Variants in SLITRK2 observed in about 807,000 individuals in gnomAD.
The protein encoded by SLITRK2 is SLIT and NTRK like family member 2.
A neutral mutation model predicts 35.4 loss-of-function variants in SLITRK2; 13 were observed. The ratio of observed to expected loss-of-function variants is 0.37; its 90% CI spans 0.24 to 0.58. SLITRK2 has a LOEUF of 0.58. SLITRK2 is among the 20% of genes least tolerant of loss of function. The pLI, the probability that SLITRK2 is intolerant of heterozygous loss-of-function variation, is 0.75. For missense variants in SLITRK2, 471 were observed against 634.3 expected (o/e 0.74, Z 2.76); for synonymous variants, 294 against 264.7 (o/e 1.11, Z -1.07).
intron 1 of SLITRK2, chrX:145,819,657 A>G (rs2072959561): frequency 8.9e-6 from 1 of 112,202 alleles, no homozygotes; most frequent in Non-Finnish European, 1.9e-5. Flanking sequence ...AGGGAGCTTA[A>G]TTGTGCTCCC....
Position 145,824,315 on chromosome X carries a change from C to A in SLITRK2, c.1890C>A (p.Ile630=), listed in dbSNP as rs2124198369. 8.3e-7 allele frequency: 1 copy of A among 1,211,172 alleles called. No individual in the cohort carries two copies. The highest frequency in any genetic ancestry group is 1.1e-6 in the Non-Finnish European group (1 of 895,294). The change falls in exon 5 of 5, where the codon ATC becomes ATA. Residue 630 remains isoleucine (I), a synonymous_variant. Coordinates refer to ENST00000335565, the MANE Select transcript of SLITRK2 (RefSeq NM_032539.5). ...VLILGLLVVF[I]LSVCFGAGLF... is the part of the protein sequence containing the mutation. Reference sequence around the variant, plus strand: ...TTCTGGGATTGCTTGTTGTTTTCATCTTATCTGTCTGTTTTGGGGCTGGTT... The same window carrying A: ...TTCTGGGATTGCTTGTTGTTTTCATATTATCTGTCTGTTTTGGGGCTGGTT...
chrX:145,825,034 T>C lies in SLITRK2; in HGVS notation c.*71T>C. On this transcript the variant is annotated 3_prime_UTR_variant, in exon 5 of 5. Coordinates refer to ENST00000335565, the MANE Select transcript of SLITRK2 (RefSeq NM_032539.5). ...AACTGTTGGAAACAAGGACATTAGCTTTTGTGTTTGTTTTTGTTCTCCCTT... is the reference window on the plus strand; with the variant it reads ...AACTGTTGGAAACAAGGACATTAGCCTTTGTGTTTGTTTTTGTTCTCCCTT... 4 of 1,094,069 alleles carry C rather than the reference T, an allele frequency of 3.7e-6. No individual in the cohort carries two copies. Among genetic ancestry groups the C allele is most frequent in the Non-Finnish European group, 4.9e-6 (4 of 822,933 alleles). The allele number at this position is 1,094,069 out of a possible 1,213,427, so 90.2% of individuals were successfully genotyped here.
Position 145,823,345 on chromosome X carries a change from T to A in SLITRK2, c.920T>A (p.Met307Lys), listed in dbSNP as rs2124172024. Residue 307 changes from methionine (M) to lysine (K), a missense_variant, in exon 5 of 5, where the codon ATG becomes AAG. By Grantham distance (95) the Met-to-Lys change is moderately conservative. Transcript: ENST00000335565. ...CCGAAAGCCAGCCGGCCGCCCAAAA[T>A]GAGAAATCGTCCAACTCCTCGAGTG... ...RAPKASRPPK[M>K]RNRPTPRVTV... 8.3e-7 allele frequency: 1 copy of A among 1,210,690 alleles called. No individual in the cohort carries two copies. The highest frequency in any genetic ancestry group is 1.7e-5 in the African/African-American group (1 of 57,582).
Position 145,821,749 on chromosome X carries a change from C to G in SLITRK2, c.-328C>G, listed in dbSNP as rs782265525. The G allele has an allele frequency of 3.6e-5, 4 of 111,124 alleles. No individual in the cohort carries two copies. Among genetic ancestry groups the G allele is most frequent in the African/African-American group, 1.3e-4 (4 of 30,565 alleles). 9.2% of individuals were successfully genotyped at this position (111,124 alleles called of 1,213,427 possible). On this transcript the variant is annotated 5_prime_UTR_variant, in exon 3 of 5. Coordinates refer to ENST00000335565, the MANE Select transcript of SLITRK2 (RefSeq NM_032539.5). ...TTTTTAATTTCTGCGCACCCCCAGT[C>G]AAATTAAATCAACCAACAAAAAGCA...
chrX:145,824,473 A>T lies in SLITRK2; in HGVS notation c.2048A>T (p.His683Leu), dbSNP rs2124202978. ...GAGACTCACGATAAAACAGACGGCC[A>T]TGTCTACAACTATATCCCCCCACCT... ...NTETHDKTDGHVYNYIPPPVG... is the reference protein window; with the variant it reads ...NTETHDKTDGLVYNYIPPPVG... The change falls in exon 5 of 5, where the codon CAT becomes CTT. Residue 683 changes from histidine (H) to leucine (L), a missense_variant. Coordinates refer to ENST00000335565, the MANE Select transcript of SLITRK2 (RefSeq NM_032539.5). 1 of 1,211,593 alleles carries T rather than the reference A, an allele frequency of 8.3e-7. No individual in the cohort carries two copies. The highest frequency in any genetic ancestry group is 2.3e-4 in the Middle Eastern group (1 of 4,351).
At chrX:145,818,156 G>A (rs2072918749) in intron 1 of SLITRK2, 130 bp downstream of exon 1, 1 of 112,868 alleles carries the variant, frequency 8.9e-6, no homozygotes, top group African/African-American at 3.2e-5. Flanking sequence ...GCCATCCGCG[G>A]AGGGCAGCTC....
In SLITRK2 at chrX:145,829,188, T is replaced by C. The variant is rs2073151923; in HGVS notation, c.*4225T>C. 2 of 123,992 alleles carry C rather than the reference T, an allele frequency of 1.6e-5. No homozygotes were observed. Among genetic ancestry groups the C allele is most frequent in the Non-Finnish European group, 1.9e-5 (1 of 53,440 alleles). 10.2% of individuals were successfully genotyped at this position (123,992 alleles called of 1,213,427 possible). A position where few individuals can be genotyped will look rare whatever the true frequency, so the allele number is the denominator to read the frequency against. On this transcript the variant is annotated 3_prime_UTR_variant, in exon 5 of 5. Coordinates refer to ENST00000335565, the MANE Select transcript of SLITRK2 (RefSeq NM_032539.5). ...CAATGATTGTGCAAAAAGTCACGTG[T>C]AAATTGAACTTTTGTAAATCAAATT...
rs368680618 is a variant in SLITRK2, at chrX:145,827,988, A to G, written c.*3025A>G. On this transcript the variant is annotated 3_prime_UTR_variant, in exon 5 of 5. Transcript: ENST00000335565. ...TCTCCCAGGGCCCTGCCAAGAACAT[A>G]TCTGTATGTCTGGCCCTACAAATGA... The G allele has an allele frequency of 2.0e-5, 24 of 1,185,292 alleles. No individual in the cohort carries two copies. Among genetic ancestry groups the G allele is most frequent in the Non-Finnish European group, 2.5e-5 (22 of 884,445 alleles).
At position 145,828,536 on chromosome X, in the gene SLITRK2, A is replaced by G. The variant is rs1556946272; in HGVS notation, c.*3573A>G. The stretch of plus-strand genomic sequence containing the variant: ...CTGGCTCTAGGCTATGTCCTGAGAC[A>G]TACAGTGGACAGGGTCTCTACCCTC... On this transcript the variant is annotated 3_prime_UTR_variant, in exon 5 of 5. Transcript: ENST00000335565. The G allele has an allele frequency of 8.1e-6, 1 of 123,175 alleles. No homozygotes were observed. The highest frequency in any genetic ancestry group is 3.3e-5 in the African/African-American group (1 of 30,573). The allele number at this position is 123,175 out of a possible 1,213,427, so 10.2% of individuals were successfully genotyped here.
chrX:145,821,874 TCTC>T lies in SLITRK2; in HGVS notation c.-200_-198del, dbSNP rs2073025529. 9.0e-6 allele frequency: 1 copy of T among 111,306 alleles called. No homozygotes were observed. The highest frequency in any genetic ancestry group is 3.9e-4 in the South Asian group (1 of 2,582). 9.2% of individuals were successfully genotyped at this position (111,306 alleles called of 1,213,427 possible). ...ACTGCAGAGGAGAGGGATTCAGTCT[TCTC>T]CTGATGTGTGAGTAACCCCCACCTC... is the stretch of plus-strand genomic sequence containing the variant. On this transcript the variant is annotated 5_prime_UTR_variant, in exon 3 of 5. The change creates a premature stop within an existing upstream ORF in the 5' untranslated region. Transcript: ENST00000335565.
intron 1 of SLITRK2, chrX:145,819,843 G>GT (rs1164973019): frequency 8.9e-6 from 1 of 111,808 alleles, no homozygotes; most frequent in Non-Finnish European, 1.9e-5. Context: ...GAATTAGAGG[G>GT]TAAGGGGGCT....
rs2073139830 is a variant in SLITRK2, at chrX:145,827,787, C to A, written c.*2824C>A. ...AGTTTTATTAACTCACTAGCATCCC[C>A]ACTGACTATATTCTGTTTTGCTTTA... On this transcript the variant is annotated 3_prime_UTR_variant, in exon 5 of 5. Coordinates refer to ENST00000335565, the MANE Select transcript of SLITRK2 (RefSeq NM_032539.5). 1 of 1,210,111 alleles carries A rather than the reference C, an allele frequency of 8.3e-7. No homozygotes were observed. The highest frequency in any genetic ancestry group is 2.2e-5 in the Admixed American group (1 of 45,758).
Position 145,827,437 on chromosome X carries a change from T to C in SLITRK2, c.*2474T>C. The C allele has an allele frequency of 4.1e-6, 1 of 244,329 alleles. No homozygotes were observed. Among genetic ancestry groups the C allele is most frequent in the Non-Finnish European group, 7.1e-6 (1 of 140,360 alleles). 20.1% of individuals were successfully genotyped at this position (244,329 alleles called of 1,213,427 possible). A position where few individuals can be genotyped will look rare whatever the true frequency, so the allele number is the denominator to read the frequency against. On this transcript the variant is annotated 3_prime_UTR_variant, in exon 5 of 5. Coordinates refer to ENST00000335565, the MANE Select transcript of SLITRK2 (RefSeq NM_032539.5). ...GATTCCACTTCAGTGTTCATTTTTA[T>C]TTTTCTGAAAGTAAAGATACTCCTG... is the stretch of plus-strand genomic sequence containing the variant.
chrX:145,824,478 T>C lies in SLITRK2; in HGVS notation c.2053T>C (p.Tyr685His). The change falls in exon 5 of 5, where the codon TAC becomes CAC. Residue 685 changes from tyrosine (Y) to histidine (H), a missense_variant. Transcript: ENST00000335565. ...ETHDKTDGHVYNYIPPPVGQM... is the reference protein window; with the variant it reads ...ETHDKTDGHVHNYIPPPVGQM... ...TCACGATAAAACAGACGGCCATGTC[T>C]ACAACTATATCCCCCCACCTGTGGG... The C allele has an allele frequency of 8.3e-7, 1 of 1,211,393 alleles. No individual in the cohort carries two copies. Among genetic ancestry groups the C allele is most frequent in the Non-Finnish European group, 1.1e-6 (1 of 895,440 alleles).
At chrX:145,821,121 T>TCACACACACACACACACA (rs781940605) in intron 2 of SLITRK2, 3 of 43,839 alleles carry the variant, frequency 6.8e-5, no homozygotes, top group African/African-American at 2.2e-4. Flanking sequence ...TCTCTCTCTC[T>TCACACACACACACACACA]CACTCACACA....
At chrX:145,819,290 A>C (rs2072950931) in intron 1 of SLITRK2, 1 of 112,319 alleles carries the variant, frequency 8.9e-6, no homozygotes, top group Non-Finnish European at 1.9e-5. Flanking sequence ...TAAAAAGGAT[A>C]CCTTTAAGTA....
Position 145,827,639 on chromosome X carries a change from T to C in SLITRK2, c.*2676T>C. 3 of 999,744 alleles carry C rather than the reference T, an allele frequency of 3.0e-6. No homozygotes were observed. Among genetic ancestry groups the C allele is most frequent in the Non-Finnish European group, 4.0e-6 (3 of 747,607 alleles). 82.4% of individuals were successfully genotyped at this position (999,744 alleles called of 1,213,427 possible). ...TATATCCTCTTGCTTGTTACAGTTA[T>C]ACTTAATTTGCAGTAGATTTTTAAA... On this transcript the variant is annotated 3_prime_UTR_variant, in exon 5 of 5. Coordinates refer to ENST00000335565, the MANE Select transcript of SLITRK2 (RefSeq NM_032539.5).
In SLITRK2 at chrX:145,824,710, G is replaced by A. The variant is rs782673748; in HGVS notation, c.2285G>A (p.Arg762Gln). ...CTGCTGTATCAAAATATTGCTGAGC[G>A]AGTCAAGGAACTTCCCAGCGCAGGC... ...PELLYQNIAE[R>Q]VKELPSAGLV... The change falls in exon 5 of 5, where the codon CGA becomes CAA. Residue 762 changes from arginine (R) to glutamine (Q), a missense_variant. Transcript: ENST00000335565. The A allele has an allele frequency of 9.9e-6, 12 of 1,209,583 alleles. No homozygotes were observed. Among genetic ancestry groups the A allele is most frequent in the Non-Finnish European group, 1.2e-5 (11 of 895,229 alleles).
In SLITRK2 at chrX:145,825,276, G is replaced by C. The variant is rs1168915858; in HGVS notation, c.*313G>C. On this transcript the variant is annotated 3_prime_UTR_variant, in exon 5 of 5. Transcript: ENST00000335565. ...CTTCATAGATTTTGTTTATGGTTTT[G>C]TTTCTTTTTTCTTCTTTGTTTTTCA... 3 of 208,111 alleles carry C rather than the reference G, an allele frequency of 1.4e-5. No individual in the cohort carries two copies. The highest frequency in any genetic ancestry group is 1.7e-5 in the Non-Finnish European group (2 of 116,015). The allele number at this position is 208,111 out of a possible 1,213,427, so 17.2% of individuals were successfully genotyped here. A position where few individuals can be genotyped will look rare whatever the true frequency, so the allele number is the denominator to read the frequency against.
Sources: gnomAD v4.1 joint callset for allele counts on GRCh38, gnomAD v4.1.1 for gene constraint, MANE v1.5 for transcripts, NCBI Gene and HGNC (gene_info 2026-07-23, HGNC 2026-07-21) for gene names.